Variants in PCDH15 observed in about 807,000 individuals in gnomAD.
The protein encoded by PCDH15 is protocadherin-15.
A neutral mutation model predicts 178.5 loss-of-function variants in PCDH15; 129 were observed. That is an observed-to-expected ratio of 0.72 (90% CI 0.63 to 0.84). PCDH15 has a LOEUF of 0.84. Ranked by LOEUF, PCDH15 falls within the 40% of genes least tolerant of loss-of-function variation. The probability of loss-of-function intolerance (pLI) is 0.00; values close to 1 mark genes in which losing one functional copy is unlikely to be tolerated. For missense variants in PCDH15, 2,230 were observed against 2,099.9 expected, an observed-to-expected ratio of 1.06 and a Z score of -1.21; for synonymous variants, 800 against 732.0, an observed-to-expected ratio of 1.09 and a Z score of -1.50.
intron 2 of PCDH15, among the ~76,000 whole-genome samples, chr10:55,018,522 A>C (rs1840241286): frequency 6.6e-6 from 1 of 151,998 alleles, no homozygotes; most frequent in Non-Finnish European, 1.5e-5. Flanking sequence ...AAGTATTTTC[A>C]ATCTGTGGTT....
chr10:53,977,517 C>T (rs1284855792), intron 21 of PCDH15, among the ~76,000 whole-genome samples: 1 of 152,162 alleles, frequency 6.6e-6, no homozygotes, highest in Non-Finnish European at 1.5e-5. Flanking sequence ...ATGTATAACA[C>T]ATGGGGATTA....
At chr10:55,385,330 G>T (rs763101520) in intron 2 of PCDH15, among the ~76,000 whole-genome samples, 23 of 152,020 alleles carry the variant, frequency 1.5e-4, no homozygotes, top group Non-Finnish European at 2.8e-4. Context: ...CCAATGGAAA[G>T]ATAGATTATG....
chr10:55,560,553 A>T (rs1842177135), intron 2 of PCDH15, among the ~76,000 whole-genome samples: 1 of 151,910 alleles, frequency 6.6e-6, no homozygotes, highest in African/African-American at 2.4e-5. Context: ...GATGATTATG[A>T]CACCATATAT....
chr10:55,538,696 TTTCATTAAAACATCCCTC>T, intron 2 of PCDH15, among the ~76,000 whole-genome samples: 1 of 3,524 alleles, frequency 2.8e-4, no homozygotes. Context: ...TCCTTCCTTC[TTTCATTAAAACATCCCTC>T]CCTTCCTCCG....
At chr10:55,475,386 A>G (rs1396790666) in intron 2 of PCDH15, among the ~76,000 whole-genome samples, 1 of 152,158 alleles carries the variant, frequency 6.6e-6, no homozygotes, top group Admixed American at 6.6e-5. Context: ...ACTTGCAACA[A>G]TATTATAACA....
At chr10:54,736,102 T>C (rs867300077) in intron 1 of PCDH15, among the ~76,000 whole-genome samples, 4 of 152,202 alleles carry the variant, frequency 2.6e-5, no homozygotes, top group Admixed American at 1.3e-4. Context: ...GTTATCCCTC[T>C]TGAGCACTTA....
intron 2 of PCDH15, among the ~76,000 whole-genome samples, chr10:55,436,208 ATACTT>A (rs1166571153): frequency 6.6e-6 from 1 of 152,086 alleles, no homozygotes; most frequent in African/African-American, 2.4e-5. Context: ...TCAAACATAA[ATACTT>A]TATTTAGAAG....
intron 2 of PCDH15, among the ~76,000 whole-genome samples, chr10:54,646,297 A>C (rs2135090871): frequency 6.6e-6 from 1 of 152,162 alleles, no homozygotes; most frequent in East Asian, 1.9e-4. Flanking sequence ...AACTCACGTA[A>C]ATGAAAGGCT....
intron 2 of PCDH15, among the ~76,000 whole-genome samples, chr10:55,615,976 ATCAATGCCAC>A (rs1330318482): frequency 2.6e-5 from 4 of 152,152 alleles, no homozygotes; most frequent in Non-Finnish European, 4.4e-5. Flanking sequence ...ATACTGCAAA[ATCAATGCCAC>A]ATTGAGACAG....
chr10:55,274,295 G>A (rs1331865620), intron 1 of PCDH15, among the ~76,000 whole-genome samples: 1 of 151,990 alleles, frequency 6.6e-6, no homozygotes, highest in Non-Finnish European at 1.5e-5. Context: ...AATACCTCAG[G>A]ATAGTGAATA....
At chr10:54,169,387 T>C (rs2046623999) in intron 13 of PCDH15, among the ~76,000 whole-genome samples, 1 of 131,426 alleles carries the variant, frequency 7.6e-6, no homozygotes, top group Non-Finnish European at 1.7e-5. Context: ...CTTGCCTCCA[T>C]AACTGTTGTG....
At chr10:54,945,489 G>C (rs1293748298) in intron 2 of PCDH15, among the ~76,000 whole-genome samples, 2 of 150,764 alleles carry the variant, frequency 1.3e-5, no homozygotes, top group Non-Finnish European at 3.0e-5. Context: ...TTTTGATGTT[G>C]TGATTCAGTT....
intron 3 of PCDH15, among the ~76,000 whole-genome samples, chr10:54,863,631 G>C (rs1204906327): frequency 6.6e-6 from 1 of 152,190 alleles, no homozygotes; most frequent in East Asian, 1.9e-4. Flanking sequence ...AGAGCCAGAA[G>C]AGATAATAGC....
chr10:55,284,230 C>G (rs1165512186), intron 1 of PCDH15, among the ~76,000 whole-genome samples: 1 of 152,106 alleles, frequency 6.6e-6, no homozygotes, highest in Non-Finnish European at 1.5e-5. Context: ...TCAGAGAATG[C>G]TTCTAAGCCT....
intron 1 of PCDH15, among the ~76,000 whole-genome samples, chr10:55,270,990 T>C (rs1481181074): frequency 6.6e-6 from 1 of 152,098 alleles, no homozygotes; most frequent in Non-Finnish European, 1.5e-5. Flanking sequence ...TTCACGGTGA[T>C]ATGGATGGCT....
chr10:54,864,295 G>T (rs1048022156), intron 3 of PCDH15, among the ~76,000 whole-genome samples: 1 of 152,078 alleles, frequency 6.6e-6, no homozygotes, highest in African/African-American at 2.4e-5. Flanking sequence ...ATAAAGTAGA[G>T]AAGAGACAAT....
chr10:55,086,115 C>T (rs2132030864), intron 2 of PCDH15, among the ~76,000 whole-genome samples: 1 of 151,744 alleles, frequency 6.6e-6, no homozygotes, highest in Middle Eastern at 3.5e-3. Flanking sequence ...TTAACTCAAG[C>T]TAAAAATTAC....
At chr10:53,908,506 G>A (rs555188650) in intron 25 of PCDH15, among the ~76,000 whole-genome samples, 41 of 152,102 alleles carry the variant, frequency 2.7e-4, no homozygotes, top group Non-Finnish European at 5.4e-4. Context: ...TAAAGTCAAG[G>A]GCTCAAGCCT....
At chr10:55,038,225 G>A (rs546969080) in intron 2 of PCDH15, among the ~76,000 whole-genome samples, 1 of 152,260 alleles carries the variant, frequency 6.6e-6, no homozygotes, top group Non-Finnish European at 1.5e-5. Context: ...GTGTTTGCAT[G>A]TGAGTATAGT....
Sources: gnomAD v4.1 joint callset for allele counts (sites outside exome capture counted in the v4.1 genomes callset) on GRCh38, gnomAD v4.1.1 for gene constraint, MANE v1.5 for transcripts, NCBI Gene and HGNC (gene_info 2026-07-23, HGNC 2026-07-21) for gene names.